Variants in TNFSF4 observed in about 807,000 individuals in gnomAD.
The protein encoded by TNFSF4 is tumor necrosis factor ligand superfamily member 4.
TNFSF4 carries 4 observed loss-of-function variants against 7.3 expected under a neutral mutation model. That is an observed-to-expected ratio of 0.55 (90% CI 0.27 to 1.25). The LOEUF (loss-of-function observed/expected upper bound fraction) is 1.25, where lower values mean the gene tolerates loss of function less well. Ranked by LOEUF, TNFSF4 falls within the 50% of genes most tolerant of loss-of-function variation. TNFSF4 has a pLI of 0.12. For synonymous variants in TNFSF4, 76 were observed against 83.7 expected (o/e 0.91, Z 0.50); for missense variants, 181 against 208.8 (o/e 0.87, Z 0.82).
At chr1:173,208,456 T>G (rs1272486752), upstream of TNFSF4, among the ~76,000 whole-genome samples, 1 of 152,162 alleles carries the variant, frequency 6.6e-6, no homozygotes, top group Non-Finnish European at 1.5e-5. Flanking sequence ...GAGGCATACT[T>G]AAAAGAGAAA....
chr1:173,358,016 C>A, the TNFSF4 span, among the ~76,000 whole-genome samples: 41 of 146,380 alleles, frequency 2.8e-4, 1 homozygote, highest in South Asian at 9.4e-3. Context: ...AAGGAATCTG[C>A]AAACATGATT....
chr1:173,333,055 C>G, the TNFSF4 span, among the ~76,000 whole-genome samples: 1 of 152,116 alleles, frequency 6.6e-6, no homozygotes, highest in Non-Finnish European at 1.5e-5. Flanking sequence ...TGCGATATCA[C>G]GCAGTGGCCA....
intron 1 of TNFSF4, among the ~76,000 whole-genome samples, chr1:173,200,252 C>T (rs1289962448): frequency 6.6e-6 from 1 of 152,180 alleles, no homozygotes; most frequent in Non-Finnish European, 1.5e-5. Flanking sequence ...CTAACCCTGA[C>T]CTTTCTGTGC....
chr1:173,313,735 G>A, the TNFSF4 span, among the ~76,000 whole-genome samples: 2 of 152,066 alleles, frequency 1.3e-5, no homozygotes, highest in African/African-American at 4.8e-5. Flanking sequence ...CTCATGGAAA[G>A]TGTATCTTCT....
chr1:173,209,855 C>T (rs1650315136), upstream of TNFSF4, among the ~76,000 whole-genome samples: 1 of 152,014 alleles, frequency 6.6e-6, no homozygotes, highest in East Asian at 1.9e-4. Flanking sequence ...CACACCAGAG[C>T]AAATCAGCCT....
the TNFSF4 span, among the ~76,000 whole-genome samples, chr1:173,251,154 A>T: frequency 6.6e-6 from 1 of 152,200 alleles, no homozygotes; most frequent in Non-Finnish European, 1.5e-5. Flanking sequence ...GTCCATAGAT[A>T]CTATAAAGCC....
Position 173,196,332 on chromosome 1 carries a change from G to A in TNFSF4, c.154-7763C>T, listed in dbSNP as rs796873333. Among the ~76,000 whole-genome samples the A allele has an allele frequency of 2.0e-5, 3 of 152,140 alleles. No homozygotes were observed. The South Asian group carries it at 6.2e-4, about 32-fold the overall frequency. On this transcript the variant is annotated intron_variant, in intron 1 of 2. Transcript: ENST00000281834. Reference sequence around the variant, plus strand: ...CCTTGTTGGATAACGAGTTTATTGGGACTTAATGAACACAAAGAAAAGCCA... The same window carrying A: ...CCTTGTTGGATAACGAGTTTATTGGAACTTAATGAACACAAAGAAAAGCCA...
chr1:173,236,881 T>C, the TNFSF4 span, among the ~76,000 whole-genome samples: 1 of 152,164 alleles, frequency 6.6e-6, no homozygotes, highest in African/African-American at 2.4e-5. Flanking sequence ...TTGATATCAC[T>C]TGGATGCAAG....
the TNFSF4 span, among the ~76,000 whole-genome samples, chr1:173,284,760 T>G: frequency 6.6e-6 from 1 of 152,126 alleles, no homozygotes; most frequent in Non-Finnish European, 1.5e-5. Context: ...TGAAGCATGG[T>G]TTACTGACTA....
At chr1:173,336,325 G>C in the TNFSF4 span, among the ~76,000 whole-genome samples, 1 of 152,218 alleles carries the variant, frequency 6.6e-6, no homozygotes, top group African/African-American at 2.4e-5. Context: ...CTGTGCAAAA[G>C]ACAGGTGGAT....
the TNFSF4 span, among the ~76,000 whole-genome samples, chr1:173,429,246 C>T: frequency 8.6e-5 from 13 of 151,926 alleles, no homozygotes; most frequent in African/African-American, 3.1e-4. Context: ...CTGGTTTCTA[C>T]GAAAAATGAT....
chr1:173,221,762 G>A, the TNFSF4 span, among the ~76,000 whole-genome samples: 1,085 of 152,266 alleles, frequency 7.1e-3, 10 homozygotes, highest in Non-Finnish European at 0.012. Flanking sequence ...GCACAGAGAG[G>A]TTATGCAACT....
chr1:173,352,454 C>T, the TNFSF4 span, among the ~76,000 whole-genome samples: 1 of 152,244 alleles, frequency 6.6e-6, no homozygotes, highest in Admixed American at 6.5e-5. Flanking sequence ...AATTTTAAAG[C>T]TGGGTGTCCG....
the TNFSF4 span, among the ~76,000 whole-genome samples, chr1:173,231,009 C>T: frequency 2.6e-5 from 4 of 152,156 alleles, no homozygotes; most frequent in Admixed American, 2.0e-4. Context: ...TGAATTCTAC[C>T]AGAGGTACAA....
chr1:173,438,852 G>A, the TNFSF4 span, among the ~76,000 whole-genome samples: 2 of 152,200 alleles, frequency 1.3e-5, no homozygotes, highest in Admixed American at 1.3e-4. Context: ...CTGCCTCCAA[G>A]TTCAGAGCTC....
chr1:173,193,772 A>C (rs1007809197), intron 1 of TNFSF4, among the ~76,000 whole-genome samples: 2 of 150,900 alleles, frequency 1.3e-5, no homozygotes. Flanking sequence ...GTGAAGCAAA[A>C]AAAAAAAAAA....
the TNFSF4 span, chr1:173,417,984 G>C: frequency 6.6e-6 from 1 of 150,648 alleles, no homozygotes; most frequent in African/African-American, 2.5e-5. Context: ...TTGAGCTCCA[G>C]GAAGCCTTCC....
chr1:173,428,135 A>G, the TNFSF4 span, among the ~76,000 whole-genome samples: 1 of 151,504 alleles, frequency 6.6e-6, no homozygotes, highest in African/African-American at 2.4e-5. Context: ...AGTAAAGACA[A>G]TGTTTTGCCA....
the TNFSF4 span, among the ~76,000 whole-genome samples, chr1:173,231,292 T>G: frequency 6.6e-6 from 1 of 152,170 alleles, no homozygotes; most frequent in Non-Finnish European, 1.5e-5. Context: ...TGGTTCAACA[T>G]ACACAAATCA....
Sources: allele counts gnomAD v4.1 joint callset (sites outside exome capture counted in the v4.1 genomes callset), GRCh38; gene constraint gnomAD v4.1.1; transcripts MANE v1.5; gene names NCBI Gene and HGNC (gene_info 2026-07-23, HGNC 2026-07-21).